Variants in PVT1 observed in about 807,000 individuals in gnomAD.
PVT1 encodes the protein CXCR4/PVT1 fusion.
intron 2 of PVT1, among the ~76,000 whole-genome samples, chr8:127,880,297 C>G (rs1461004500): frequency 6.6e-6 from 1 of 152,006 alleles, no homozygotes; most frequent in African/African-American, 2.4e-5. Context: ...GTCAACAATT[C>G]CTTTTTTCTT....
chr8:128,021,457 T>C (rs770225630), intron 4 of PVT1, among the ~76,000 whole-genome samples: 5 of 151,588 alleles, frequency 3.3e-5, no homozygotes, highest in Admixed American at 3.3e-4. Context: ...CCATGCCCGG[T>C]TAATTTTTTG....
intron 3 of PVT1, among the ~76,000 whole-genome samples, chr8:127,941,806 C>T (rs1360164201): frequency 1.3e-5 from 2 of 152,220 alleles, no homozygotes; most frequent in African/African-American, 4.8e-5. Flanking sequence ...GTCTCTGTGG[C>T]CTGAGGGGCC....
chr8:127,924,027 C>CT (rs1471516561), intron 3 of PVT1, among the ~76,000 whole-genome samples: 1 of 152,226 alleles, frequency 6.6e-6, no homozygotes, highest in Non-Finnish European at 1.5e-5. Context: ...CATGCCCCCT[C>CT]TGGCATGGTG....
chr8:128,040,376 T>A (rs1321851666), intron 4 of PVT1, among the ~76,000 whole-genome samples: 1 of 152,174 alleles, frequency 6.6e-6, no homozygotes, highest in Non-Finnish European at 1.5e-5. Context: ...TCCTAGGGGC[T>A]CCAGCTTGCT....
At chr8:127,988,613 A>G (rs903463620) in intron 3 of PVT1, among the ~76,000 whole-genome samples, 4 of 152,242 alleles carry the variant, frequency 2.6e-5, no homozygotes, top group African/African-American at 4.8e-5. Context: ...TGAATAATGC[A>G]TGATGTCCAC....
intron 4 of PVT1, among the ~76,000 whole-genome samples, chr8:127,990,823 A>C (rs937409612): frequency 6.6e-6 from 1 of 152,244 alleles, no homozygotes; most frequent in African/African-American, 2.4e-5. Context: ...ACTGGCACAC[A>C]TAGGATACTA....
chr8:127,801,057 G>A (rs1278100325), intron 2 of PVT1, among the ~76,000 whole-genome samples: 9 of 152,152 alleles, frequency 5.9e-5, no homozygotes, highest in Non-Finnish European at 1.2e-4. Context: ...AGAGGTGGAG[G>A]CAGAAGTGAG....
At chr8:128,028,157 T>G (rs975357729) in intron 4 of PVT1, among the ~76,000 whole-genome samples, 2 of 152,182 alleles carry the variant, frequency 1.3e-5, no homozygotes, top group African/African-American at 4.8e-5. Flanking sequence ...CATTGCACAC[T>G]CCTTTGAAGC....
At chr8:127,999,897 A>C (rs1454236514) in intron 4 of PVT1, among the ~76,000 whole-genome samples, 5 of 152,378 alleles carry the variant, frequency 3.3e-5, no homozygotes, top group East Asian at 1.9e-4. Context: ...CCTATGGTCA[A>C]TGTGGCCTCA....
At chr8:127,962,881 C>T (rs748388859) in intron 3 of PVT1, among the ~76,000 whole-genome samples, 3 of 152,156 alleles carry the variant, frequency 2.0e-5, no homozygotes, top group Non-Finnish European at 2.9e-5. Flanking sequence ...CAGGCATGAG[C>T]CTCCATGCCT....
At chr8:127,992,637 C>T (rs1817056581) in intron 4 of PVT1, among the ~76,000 whole-genome samples, 1 of 152,180 alleles carries the variant, frequency 6.6e-6, no homozygotes, top group African/African-American at 2.4e-5. Flanking sequence ...TGAACAGGAG[C>T]CTGTTTGTTT....
intron 4 of PVT1, chr8:128,009,534 C>G (rs1188094085): frequency 6.6e-6 from 1 of 151,762 alleles, no homozygotes; most frequent in East Asian, 1.9e-4. Flanking sequence ...ATTAAATGAA[C>G]CTTTAACTAG....
At chr8:128,023,507 A>G (rs1817461400) in intron 4 of PVT1, among the ~76,000 whole-genome samples, 1 of 152,234 alleles carries the variant, frequency 6.6e-6, no homozygotes, top group African/African-American at 2.4e-5. Flanking sequence ...TACTATTACA[A>G]TAGTAATAAC....
At chr8:127,806,526 C>CTGAATT (rs1814531442) in intron 2 of PVT1, among the ~76,000 whole-genome samples, 1 of 151,960 alleles carries the variant, frequency 6.6e-6, no homozygotes, top group Non-Finnish European at 1.5e-5. Context: ...CTAACAAAGT[C>CTGAATT]AGGTTTTGGA....
At chr8:128,060,520 C>G (rs577252993) in intron 4 of PVT1, among the ~76,000 whole-genome samples, 1 of 152,320 alleles carries the variant, frequency 6.6e-6, no homozygotes, top group East Asian at 1.9e-4. Context: ...CCTGGACTCT[C>G]GGAGTTTAAA....
In PVT1 at chr8:127,983,591, C is replaced by T. The variant is rs76457311; in HGVS notation, n.783-5571C>T. On this transcript the variant is annotated intron_variant and non_coding_transcript_variant, in intron 3 of 10. Coordinates refer to ENST00000651587, the Ensembl canonical transcript of PVT1. Reference sequence around the variant, plus strand: ...TCACACTCCACCCCACCACCAAATACGCTATTTTTTCCTGATCCATTTGAG... The same window carrying T: ...TCACACTCCACCCCACCACCAAATATGCTATTTTTTCCTGATCCATTTGAG... Among the ~76,000 whole-genome samples the T allele has an allele frequency of 4.5e-3, 688 of 152,280 alleles. 5 individuals are homozygous for T. Among genetic ancestry groups the T allele is most frequent in the African/African-American group, 0.016 (658 of 41,556 alleles).
chr8:128,007,948 C>T (rs990524628), intron 4 of PVT1, among the ~76,000 whole-genome samples: 3 of 152,190 alleles, frequency 2.0e-5, no homozygotes, highest in African/African-American at 7.2e-5. Context: ...TACTTGTTGA[C>T]AGTAATGCTA....
chr8:128,019,322 AC>A (rs1002325722), intron 4 of PVT1, among the ~76,000 whole-genome samples: 2 of 152,234 alleles, frequency 1.3e-5, no homozygotes, highest in Non-Finnish European at 2.9e-5. Flanking sequence ...CGGGAAAGTA[AC>A]CAACACAAGC....
chr8:128,056,087 A>G (rs1391229085), intron 4 of PVT1, among the ~76,000 whole-genome samples: 20 of 152,190 alleles, frequency 1.3e-4, no homozygotes. Context: ...TTGGTTTGTA[A>G]TAATGTAGTG....
Sources: allele counts gnomAD v4.1 joint callset (sites outside exome capture counted in the v4.1 genomes callset), GRCh38; gene constraint gnomAD v4.1.1; transcripts MANE v1.5; gene names NCBI Gene and HGNC (gene_info 2026-07-23, HGNC 2026-07-21).